EPB41: variants seen among roughly 807,000 people sequenced by gnomAD.
EPB41 encodes the protein protein 4.1.
Under a neutral mutation model 108.0 loss-of-function variants are expected in EPB41, and 65 were observed. The ratio of observed to expected loss-of-function variants is 0.60; its 90% CI spans 0.49 to 0.74. The LOEUF (loss-of-function observed/expected upper bound fraction) is 0.74. EPB41 is among the 30% of genes least tolerant of loss of function. EPB41 has a pLI of 0.00. For missense variants in EPB41, 875 were observed against 1,037.0 expected, an observed-to-expected ratio of 0.84 and a Z score of 2.15; for synonymous variants, 336 against 358.9, an observed-to-expected ratio of 0.94 and a Z score of 0.72.
intron 5 of EPB41, among the ~76,000 whole-genome samples, chr1:29,014,031 A>G (rs956338836): frequency 6.6e-6 from 1 of 151,860 alleles, no homozygotes; most frequent in Non-Finnish European, 1.5e-5. Flanking sequence ...AAATCCAAGT[A>G]TATGGCCAGT....
upstream of EPB41, among the ~76,000 whole-genome samples, chr1:28,912,805 A>C (rs947570149): frequency 2.0e-5 from 3 of 151,582 alleles, no homozygotes; most frequent in Admixed American, 2.0e-4. Context: ...TTTAGTAGAG[A>C]TGGGGTTTCA....
At chr1:28,965,264 GA>G (rs1448719666) in intron 1 of EPB41, among the ~76,000 whole-genome samples, 1 of 151,996 alleles carries the variant, frequency 6.6e-6, no homozygotes, top group African/African-American at 2.4e-5. Context: ...TAATTATGGG[GA>G]AAAAACCTTT....
At chr1:28,938,900 A>G (rs1474831437) in intron 1 of EPB41, among the ~76,000 whole-genome samples, 2 of 152,134 alleles carry the variant, frequency 1.3e-5, no homozygotes, top group Non-Finnish European at 2.9e-5. Flanking sequence ...AGAATTTTCT[A>G]TTTACAAGAT....
At chr1:28,943,930 T>G (rs955170239) in intron 1 of EPB41, among the ~76,000 whole-genome samples, 1 of 152,204 alleles carries the variant, frequency 6.6e-6, no homozygotes, top group African/African-American at 2.4e-5. Context: ...GTTGCAGCAC[T>G]GTTTACAATA....
At chr1:28,933,061 G>A (rs1217680645) in intron 1 of EPB41, among the ~76,000 whole-genome samples, 4 of 151,964 alleles carry the variant, frequency 2.6e-5, no homozygotes, top group South Asian at 2.1e-4. Flanking sequence ...TATTTAGTTT[G>A]TATATTTAAT....
chr1:29,068,601 T>C, intron 16 of EPB41: 1 of 482,866 alleles, frequency 2.1e-6, no homozygotes, highest in East Asian at 3.5e-5. Flanking sequence ...AATTCTACTT[T>C]CTGGCATATC....
chr1:28,998,655 CAG>C (rs2149707302), intron 4 of EPB41, among the ~76,000 whole-genome samples: 2 of 152,274 alleles, frequency 1.3e-5, no homozygotes, highest in South Asian at 4.1e-4. Context: ...CTAACTCAAA[CAG>C]AACTATGTTT....
intron 17 of EPB41, among the ~76,000 whole-genome samples, chr1:29,099,485 C>T (rs1335873277): frequency 6.6e-6 from 1 of 152,010 alleles, no homozygotes; most frequent in Middle Eastern, 3.2e-3. Context: ...ACAGCTGCAC[C>T]TCGCTAATTT....
At chr1:29,050,967 G>A (rs554173366) in intron 11 of EPB41, among the ~76,000 whole-genome samples, 3 of 151,918 alleles carry the variant, frequency 2.0e-5, no homozygotes, top group South Asian at 2.1e-4. Flanking sequence ...GAGCCACCAC[G>A]CCTGGCTGAT....
intron 1 of EPB41, among the ~76,000 whole-genome samples, chr1:28,984,162 C>A (rs1236640166): frequency 6.6e-6 from 1 of 152,164 alleles, no homozygotes; most frequent in Non-Finnish European, 1.5e-5. Flanking sequence ...CTCCTCCCTC[C>A]CAGCTGAGTC....
In EPB41 at chr1:29,110,061, G is replaced by A. The variant is rs145990116; in HGVS notation, c.2415+624G>A. Reference sequence around the variant, plus strand: ...AGAAAGTTAACTTAAGGGGCCAGGCGTGGTGTAATCACACCTGTAATTCCA... The same window carrying A: ...AGAAAGTTAACTTAAGGGGCCAGGCATGGTGTAATCACACCTGTAATTCCA... On this transcript the variant is annotated intron_variant, in intron 18 of 20. Transcript: ENST00000343067. 3.7e-3 allele frequency among the ~76,000 whole-genome samples: 555 copies of A among 149,298 alleles called. 6 individuals carry two copies. The highest frequency in any genetic ancestry group is 0.013 in the African/African-American group (513 of 40,468).
chr1:29,080,039 C>G (rs1655819156), intron 16 of EPB41, among the ~76,000 whole-genome samples: 1 of 151,908 alleles, frequency 6.6e-6, no homozygotes, highest in Non-Finnish European at 1.5e-5. Flanking sequence ...GGAGAATTCC[C>G]CAATTCACAG....
intron 4 of EPB41, among the ~76,000 whole-genome samples, chr1:29,011,480 A>G (rs1307744151): frequency 6.6e-6 from 1 of 152,246 alleles, no homozygotes; most frequent in African/African-American, 2.4e-5. Flanking sequence ...ACTAGTCTTT[A>G]TAGAATAATA....
At position 29,003,237 on chromosome 1, in the gene EPB41, T is replaced by C. The variant is rs191286607; in HGVS notation, c.786+5918T>C. Among the ~76,000 whole-genome samples, 743 of 152,350 alleles carry C rather than the reference T, an allele frequency of 4.9e-3. 8 individuals carry two copies. The highest frequency in any genetic ancestry group is 6.8e-3 in the Middle Eastern group (2 of 294). ...TAGTAAATCATGGTCATCTAAGTTT[T>C]CCGCCATTCTGAAAATACAGAAGGT... On this transcript the variant is annotated intron_variant, in intron 4 of 20. Coordinates refer to ENST00000343067, the MANE Select transcript of EPB41 (RefSeq NM_001376013.1).
chr1:29,086,321 T>C (rs1658908777), intron 16 of EPB41, among the ~76,000 whole-genome samples: 1 of 150,792 alleles, frequency 6.6e-6, no homozygotes, highest in Non-Finnish European at 1.5e-5. Flanking sequence ...GTCACCAGGC[T>C]AGAGTGCAGT....
Position 29,018,454 on chromosome 1 carries a change from T to C in EPB41, c.1124+12T>C, listed in dbSNP as rs372904193. 2 of 1,610,810 alleles carry C rather than the reference T, an allele frequency of 1.2e-6. No homozygotes were observed. The highest frequency in any genetic ancestry group is 1.7e-6 in the Non-Finnish European group (2 of 1,178,572). On this transcript the variant is annotated intron_variant, in intron 7 of 20. Coordinates refer to ENST00000343067, the MANE Select transcript of EPB41 (RefSeq NM_001376013.1). This position sits in a 1 kb window ranked among gnomAD's most constrained non-coding sequence, Gnocchi z 4.4. The stretch of plus-strand genomic sequence containing the variant: ...CATAAGTCATACAGGTGAATATGTC[T>C]CCAGGGTTTGTTCGGTGTTTGTTTT...
At chr1:28,895,502 T>A (rs111945390) in intron 1 of EPB41, among the ~76,000 whole-genome samples, 9,178 of 151,990 alleles carry the variant, frequency 0.06, 387 homozygotes, top group Admixed American at 0.13. Context: ...TATTATTATT[T>A]TTTTTTGGAT....
intron 1 of EPB41, among the ~76,000 whole-genome samples, chr1:28,942,325 GC>G (rs1021160123): frequency 6.6e-6 from 1 of 152,190 alleles, no homozygotes; most frequent in African/African-American, 2.4e-5. Context: ...CATATCAGAT[GC>G]TATTCACAAG....
At chr1:29,011,115 ACT>A (rs1396967173) in intron 4 of EPB41, among the ~76,000 whole-genome samples, 2 of 123,112 alleles carry the variant, frequency 1.6e-5, no homozygotes, top group African/African-American at 6.2e-5. Context: ...CAAGAGTGAA[ACT>A]CTGTCAAAAA....
Sources: allele counts gnomAD v4.1 joint callset (sites outside exome capture counted in the v4.1 genomes callset), GRCh38; gene constraint gnomAD v4.1.1; non-coding constraint Gnocchi (gnomAD v3.1); transcripts MANE v1.5; gene names NCBI Gene and HGNC (gene_info 2026-07-23, HGNC 2026-07-21).